The following SLC66A1 variants were observed in gnomAD, a reference collection of about 807,000 sequenced individuals.
The protein encoded by SLC66A1 is lysosomal amino acid transporter 1 homolog.
In SLC66A1, 23 loss-of-function variants were observed where a neutral mutation model predicts 33.0. The observed-to-expected ratio is 0.70, with a 90% CI of 0.50 to 0.99. SLC66A1 has a LOEUF of 0.99. Ranked by LOEUF, SLC66A1 falls within the 50% of genes least tolerant of loss-of-function variation. The probability of loss-of-function intolerance (pLI) is 0.00; values close to 1 mark genes in which losing one functional copy is unlikely to be tolerated. For synonymous variants in SLC66A1, 164 were observed against 175.5 expected (o/e 0.93, Z 0.52); for missense variants, 335 against 383.6 (o/e 0.87, Z 1.06).
intron 1 of SLC66A1, among the ~76,000 whole-genome samples, chr1:19,315,706 G>T (rs970029189): frequency 1.3e-5 from 2 of 152,148 alleles, no homozygotes; most frequent in Non-Finnish European, 2.9e-5. Context: ...GACCACAGAG[G>T]CTTCTCTGTC....
chr1:19,321,803 G>A (rs1437516834), intron 2 of SLC66A1, among the ~76,000 whole-genome samples: 1 of 150,914 alleles, frequency 6.6e-6, no homozygotes, highest in African/African-American at 2.5e-5. Context: ...GTGACCTCAG[G>A]TGGTCTACCT....
At chr1:19,332,785 A>T (rs1159213516), downstream of SLC66A1, among the ~76,000 whole-genome samples, 4 of 152,050 alleles carry the variant, frequency 2.6e-5, no homozygotes, top group Non-Finnish European at 4.4e-5. Context: ...GGATGGCAGG[A>T]TGCTTGTCTC....
downstream of SLC66A1, among the ~76,000 whole-genome samples, chr1:19,332,312 A>G (rs35500492): frequency 0.21 from 32,536 of 152,022 alleles, 4,069 homozygotes; most frequent in South Asian, 0.33. Context: ...CATGAGACCA[A>G]CAACACTGTC....
At chr1:19,325,157 C>T (rs2093857131) in intron 3 of SLC66A1, among the ~76,000 whole-genome samples, 1 of 152,218 alleles carries the variant, frequency 6.6e-6, no homozygotes, top group Non-Finnish European at 1.5e-5. Flanking sequence ...GCATTGTCTT[C>T]CCATGTGGGA....
chr1:19,330,329 G>A (rs900467887), downstream of SLC66A1, among the ~76,000 whole-genome samples: 6 of 152,152 alleles, frequency 3.9e-5, no homozygotes, highest in Non-Finnish European at 7.3e-5. Flanking sequence ...AGTGGGCCTT[G>A]CCTTTAGGAT....
chr1:19,324,675 G>A lies in SLC66A1; in HGVS notation c.207G>A (p.Ala69=), dbSNP rs368875302. Residue 69 remains alanine (A), a synonymous_variant, in exon 3 of 8, where the codon GCG becomes GCA. Coordinates refer to ENST00000375153, the MANE Select transcript of SLC66A1 (RefSeq NM_001040125.2). ...KAYKTGNMDQ[A]LSLWFLLGWI... The stretch of plus-strand genomic sequence containing the variant: ...ACAAGACGGGCAACATGGACCAGGC[G>A]CTGTCCCTGTGGTTCCTCCTGGGCT... The A allele has an allele frequency of 6.8e-5, 110 of 1,614,060 alleles. No homozygotes were observed. The highest frequency in any genetic ancestry group is 8.1e-5 in the Non-Finnish European group (96 of 1,180,006).
At position 19,327,410 on chromosome 1, in the gene SLC66A1, A is replaced by G. The variant is rs1390077153; in HGVS notation, c.802A>G (p.Ile268Val). ...GSLGVLLLDT[I>V]ISIQFLVYRR... Reference sequence around the variant, plus strand: ...CCTGGGCGTGCTGCTGCTCGACACCATCGTATCCTTCAGGGCGTGTGGGGC... The same window carrying G: ...CCTGGGCGTGCTGCTGCTCGACACCGTCGTATCCTTCAGGGCGTGTGGGGC... Residue 268 changes from isoleucine to valine, a missense_variant and splice_region_variant, in exon 7 of 8, where the codon ATC becomes GTC. By Grantham distance (29) the Ile-to-Val change is conservative (BLOSUM62 3). Coordinates refer to ENST00000375153, the MANE Select transcript of SLC66A1 (RefSeq NM_001040125.2). 1 of 1,587,516 alleles carries G rather than the reference A, an allele frequency of 6.3e-7. No individual in the cohort carries two copies. Among genetic ancestry groups the G allele is most frequent in the Admixed American group, 1.7e-5 (1 of 58,612 alleles).
intron 1 of SLC66A1, among the ~76,000 whole-genome samples, chr1:19,315,486 C>G (rs1187196021): frequency 1.3e-5 from 2 of 152,176 alleles, no homozygotes; most frequent in Middle Eastern, 3.2e-3. Context: ...AGAGGAGGTG[C>G]TGACTCACTT....
downstream of SLC66A1, among the ~76,000 whole-genome samples, chr1:19,330,935 C>T (rs1283877349): frequency 5.3e-5 from 8 of 152,260 alleles, no homozygotes; most frequent in Non-Finnish European, 1.0e-4. Context: ...TAGTTGCACA[C>T]TTGCCATGTG....
rs1265557758 is a variant in SLC66A1, at chr1:19,312,702, C to T, written c.-266C>T. The stretch of plus-strand genomic sequence containing the variant: ...GCCCTCGCGGCGCTGGCCCCAGCAG[C>T]TGTCCTATCATTATCCCTCCAAACA... On this transcript the variant is annotated 5_prime_UTR_variant, in exon 1 of 8. Transcript: ENST00000375153. 6.5e-6 allele frequency: 1 copy of T among 152,802 alleles called. No homozygotes were observed. Among genetic ancestry groups the T allele is most frequent in the Non-Finnish European group, 1.5e-5 (1 of 68,138 alleles). 9.5% of individuals were successfully genotyped at this position (152,802 alleles called of 1,614,324 possible).
At chr1:19,325,200 A>C (rs2093857386) in intron 3 of SLC66A1, among the ~76,000 whole-genome samples, 2 of 152,206 alleles carry the variant, frequency 1.3e-5, no homozygotes, top group South Asian at 4.1e-4. Flanking sequence ...GTGTCAGGCC[A>C]AACCAGAGCC....
At chr1:19,325,305 C>T (rs1391951818) in intron 3 of SLC66A1, among the ~76,000 whole-genome samples, 190 bp from the exon 4 acceptor site, 2 of 152,204 alleles carry the variant, frequency 1.3e-5, no homozygotes, top group East Asian at 1.9e-4. Context: ...CTGGGTCTTT[C>T]GCCCACCTGT....
intron 2 of SLC66A1, among the ~76,000 whole-genome samples, chr1:19,319,156 G>A (rs1441796692): frequency 6.6e-6 from 1 of 152,234 alleles, no homozygotes; most frequent in East Asian, 1.9e-4. Flanking sequence ...CGCATTTCAT[G>A]CAATTAACCC....
chr1:19,327,316 CAA>C lies in SLC66A1; in HGVS notation c.712_713del (p.Asn238ProfsTer48). 1.2e-6 allele frequency: 2 copies of C among 1,613,492 alleles called. No individual in the cohort carries two copies. Among genetic ancestry groups the C allele is most frequent in the Non-Finnish European group, 1.7e-6 (2 of 1,179,772 alleles). The part of the protein sequence containing the change: ...NTLYGLSVLL[K>X]NPEEGQSEGS... ...CGCTGTATGGGCTGAGCGTGCTGCT[CAA>C]AAACCCCGAGGAGGGCCAGAGCGAG... On this transcript the variant is annotated frameshift_variant, in exon 7 of 8. Transcript: ENST00000375153. LOFTEE classifies it high-confidence loss of function.
At chr1:19,315,608 T>C (rs971551812) in intron 1 of SLC66A1, among the ~76,000 whole-genome samples, 2 of 152,104 alleles carry the variant, frequency 1.3e-5, no homozygotes, top group African/African-American at 4.8e-5. Flanking sequence ...TGAAGGCAGC[T>C]AGAGACAGCC....
At chr1:19,333,979 G>A (rs559954573), downstream of SLC66A1, among the ~76,000 whole-genome samples, 104 of 152,278 alleles carry the variant, frequency 6.8e-4, 1 homozygote, top group African/African-American at 2.3e-3. The surrounding 1 kb of genome is among the most constrained non-coding windows in gnomAD (Gnocchi z 4.2). Flanking sequence ...CCCTAGGGCA[G>A]GGAGTGGGTT....
intron 2 of SLC66A1, among the ~76,000 whole-genome samples, chr1:19,320,722 T>C (rs1393541346): frequency 1.4e-5 from 2 of 141,496 alleles, no homozygotes; most frequent in Non-Finnish European, 3.0e-5. Flanking sequence ...GCCTCACTTC[T>C]TTTTTTTTGA....
At position 19,328,479 on chromosome 1, in the gene SLC66A1, G is replaced by A; in HGVS notation, c.805-93G>A. On this transcript the variant is annotated intron_variant, in intron 7 of 7. Transcript: ENST00000375153. The surrounding 1 kb of genome is among the most constrained non-coding windows in gnomAD (Gnocchi z 4.7). ...CCTGCAGCGTGGGGGTGGGAGGGAG[G>A]GGAGAGGGAGGCAGCTCCCAGGAGT... The A allele has an allele frequency of 5.1e-6, 6 of 1,174,010 alleles. No individual in the cohort carries two copies. In the South Asian group the frequency reaches 6.5e-5, roughly 13 times the overall value. 72.7% of individuals were successfully genotyped at this position (1,174,010 alleles called of 1,614,324 possible).
In SLC66A1 at chr1:19,326,383, G is replaced by T; in HGVS notation, c.521G>T (p.Ser174Ile). Residue 174 changes from serine to isoleucine, a missense_variant, in exon 5 of 8, where the codon AGC (serine) becomes ATC (isoleucine). Physicochemically the swap from Ser to Ile is moderately radical, Grantham distance 142. Transcript: ENST00000375153. ...GRALLSVESG[S>I]KPFTRQEVIG... The stretch of plus-strand genomic sequence containing the variant: ...GCGCTCCTGTCCGTGGAGTCGGGCA[G>T]CAAGGTGAGGCGTGGGCGTGGCGGT... 6.2e-7 allele frequency: 1 copy of T among 1,606,838 alleles called. No homozygotes were observed.
Sources: gnomAD v4.1 joint callset for allele counts (sites outside exome capture counted in the v4.1 genomes callset) on GRCh38, gnomAD v4.1.1 for gene constraint, Gnocchi (gnomAD v3.1) non-coding constraint, MANE v1.5 for transcripts, NCBI Gene and HGNC (gene_info 2026-07-23, HGNC 2026-07-21) for gene names.